Variants in SLC28A3 observed in about 807,000 individuals in gnomAD.
SLC28A3 encodes the protein solute carrier family 28 member 3, also known as concentrative Na(+)-nucleoside cotransporter 3.
In SLC28A3, 68 loss-of-function variants were observed where a neutral mutation model predicts 84.2. The ratio of observed to expected loss-of-function variants is 0.81; its 90% CI spans 0.66 to 0.99. SLC28A3 has a LOEUF of 0.99. Ranked by LOEUF, SLC28A3 falls within the 50% of genes least tolerant of loss-of-function variation. The pLI, the probability that SLC28A3 is intolerant of heterozygous loss-of-function variation, is 0.00. For synonymous variants in SLC28A3, 267 were observed against 303.6 expected, an observed-to-expected ratio of 0.88 and a Z score of 1.25; for missense variants, 712 against 841.5, an observed-to-expected ratio of 0.85 and a Z score of 1.90.
At chr9:84,319,662 T>G (rs1826296742) in intron 1 of SLC28A3, among the ~76,000 whole-genome samples, 1 of 152,214 alleles carries the variant, frequency 6.6e-6, no homozygotes, top group Admixed American at 6.5e-5. Flanking sequence ...AATGTGTGAC[T>G]ATTTCAAACT....
chr9:84,281,827 T>G (rs1352544194), intron 14 of SLC28A3, among the ~76,000 whole-genome samples: 1 of 152,202 alleles, frequency 6.6e-6, no homozygotes, highest in Non-Finnish European at 1.5e-5. Flanking sequence ...AGTGAGCACA[T>G]GTATATGAAA....
intron 5 of SLC28A3, among the ~76,000 whole-genome samples, chr9:84,300,688 G>A (rs962262140): frequency 3.3e-5 from 5 of 152,222 alleles, no homozygotes; most frequent in African/African-American, 1.2e-4. Flanking sequence ...GAAGGGAGAG[G>A]AGGTCCCTCA....
intron 14 of SLC28A3, among the ~76,000 whole-genome samples, chr9:84,284,891 T>C (rs563602883): frequency 6.6e-6 from 1 of 152,320 alleles, no homozygotes; most frequent in South Asian, 2.1e-4. Context: ...GGACAGTTTC[T>C]CAGAGCTCAC....
chr9:84,291,258 A>G (rs1005022721), intron 10 of SLC28A3, among the ~76,000 whole-genome samples: 1 of 152,190 alleles, frequency 6.6e-6, no homozygotes, highest in Non-Finnish European at 1.5e-5. Context: ...GACTGTAATT[A>G]TAATAATTTC....
chr9:84,366,811 C>T, the SLC28A3 span, among the ~76,000 whole-genome samples: 1 of 152,216 alleles, frequency 6.6e-6, no homozygotes, highest in Admixed American at 6.5e-5. Context: ...GTGGCCACCA[C>T]CACTGTGACT....
At chr9:84,309,975 C>G (rs1337498868) in intron 2 of SLC28A3, among the ~76,000 whole-genome samples, 1 of 152,144 alleles carries the variant, frequency 6.6e-6, no homozygotes, top group Non-Finnish European at 1.5e-5. Context: ...CTTAAGGGAA[C>G]AGGCTCATAT....
chr9:84,285,227 T>C, intron 14 of SLC28A3, 118 bp downstream of exon 14: 1 of 966,340 alleles, frequency 1.0e-6, no homozygotes, highest in Non-Finnish European at 1.5e-6. Context: ...TTAGGTTGTT[T>C]TGCTCTCTAA....
chr9:84,307,526 A>G (rs1436119641), intron 3 of SLC28A3, among the ~76,000 whole-genome samples: 1 of 152,336 alleles, frequency 6.6e-6, no homozygotes, highest in Non-Finnish European at 1.5e-5. Flanking sequence ...AATAGGTATC[A>G]CTTCATGAAA....
chr9:84,313,515 C>T, intron 1 of SLC28A3, 61 bp from the exon 2 acceptor site: 1 of 1,378,524 alleles, frequency 7.3e-7, no homozygotes, highest in Non-Finnish European at 1.0e-6. Context: ...GATGTTCTTT[C>T]ATGAAAAATA....
chr9:84,314,806 T>C lies in SLC28A3; in HGVS notation c.61-1352A>G, dbSNP rs140208306. On this transcript the variant is annotated intron_variant, in intron 1 of 17. Transcript: ENST00000376238. ...ATAAAAATACAGCATGGGCTGGGTG[T>C]GGTGGCTGACGCCCGTAATCCCAGC... Among the ~76,000 whole-genome samples the C allele has an allele frequency of 6.3e-4, 96 of 152,280 alleles. No individual in the cohort carries two copies. In the East Asian group the frequency reaches 0.017, roughly 27 times the overall value.
the SLC28A3 span, among the ~76,000 whole-genome samples, chr9:84,357,954 C>G: frequency 4.6e-5 from 7 of 152,170 alleles, no homozygotes; most frequent in African/African-American, 1.7e-4. Flanking sequence ...AGGAATGAGG[C>G]AGATGTACAG....
chr9:84,291,535 C>T (rs1287183948), intron 10 of SLC28A3, among the ~76,000 whole-genome samples: 3 of 152,122 alleles, frequency 2.0e-5, no homozygotes, highest in South Asian at 2.1e-4. Flanking sequence ...GGGGTTTCTC[C>T]GTGTTGGTCA....
At chr9:84,358,803 TTTG>T in the SLC28A3 span, among the ~76,000 whole-genome samples, 33 of 152,186 alleles carry the variant, frequency 2.2e-4, no homozygotes, top group East Asian at 3.7e-3. Flanking sequence ...AAGAATTATT[TTTG>T]TTGTTGTTAT....
At chr9:84,316,402 C>T (rs970101294) in intron 1 of SLC28A3, among the ~76,000 whole-genome samples, 5 of 152,192 alleles carry the variant, frequency 3.3e-5, no homozygotes, top group African/African-American at 1.2e-4. Flanking sequence ...GGGGGCAGCT[C>T]GGGGAATGTT....
intron 1 of SLC28A3, among the ~76,000 whole-genome samples, chr9:84,314,709 T>C (rs151293123): frequency 5.3e-5 from 8 of 152,322 alleles, no homozygotes; most frequent in African/African-American, 1.9e-4. Context: ...ACTAACAATG[T>C]TTTGAATTAA....
chr9:84,322,417 G>C (rs921426880), intron 1 of SLC28A3, among the ~76,000 whole-genome samples: 2 of 152,192 alleles, frequency 1.3e-5, no homozygotes, highest in African/African-American at 4.8e-5. Context: ...CTTCCTTCCT[G>C]TTCTATGAAA....
intron 1 of SLC28A3, among the ~76,000 whole-genome samples, chr9:84,340,233 T>C (rs961877456): frequency 7.9e-5 from 12 of 152,040 alleles, no homozygotes; most frequent in Admixed American, 2.6e-4. Context: ...CCAGCCAGGA[T>C]CTAAATTCCC....
chr9:84,310,544 C>T lies in SLC28A3; in HGVS notation c.157-830G>A, dbSNP rs562004031. On this transcript the variant is annotated intron_variant, in intron 2 of 17. Coordinates refer to ENST00000376238, the MANE Select transcript of SLC28A3 (RefSeq NM_001199633.2). Reference sequence around the variant, plus strand: ...TGCTCTAAGAAGTATAATGTCAAATCTCAGCACTTGTCTTCTGTCATATCC... The same window carrying T: ...TGCTCTAAGAAGTATAATGTCAAATTTCAGCACTTGTCTTCTGTCATATCC... The T allele has an allele frequency of 5.7e-5, 56 of 985,440 alleles. No homozygotes were observed. The South Asian group carries it at 2.5e-3, about 45-fold the overall frequency. 61.0% of individuals were successfully genotyped at this position (985,440 alleles called of 1,614,324 possible).
At chr9:84,327,279 T>C (rs1826599626) in intron 1 of SLC28A3, among the ~76,000 whole-genome samples, 1 of 148,420 alleles carries the variant, frequency 6.7e-6, no homozygotes, top group Non-Finnish European at 1.5e-5. Context: ...TGACTGATCA[T>C]CCAAAGCATT....
Sources: allele counts gnomAD v4.1 joint callset (sites outside exome capture counted in the v4.1 genomes callset), GRCh38; gene constraint gnomAD v4.1.1; transcripts MANE v1.5; gene names NCBI Gene and HGNC (gene_info 2026-07-23, HGNC 2026-07-21).